CCDC40: variants seen among roughly 807,000 people sequenced by gnomAD.
CCDC40 encodes coiled-coil domain-containing protein 40.
Under a neutral mutation model 124.5 loss-of-function variants are expected in CCDC40, and 104 were observed. The observed-to-expected ratio is 0.84, with a 90% CI of 0.71 to 0.98. CCDC40 has a LOEUF of 0.98. Ranked by LOEUF, CCDC40 falls within the 50% of genes least tolerant of loss-of-function variation. CCDC40 has a pLI of 0.00. For synonymous variants in CCDC40, 580 were observed against 602.9 expected (o/e 0.96, Z 0.56); for missense variants, 1,463 against 1,503.9 (o/e 0.97, Z 0.45).
At position 80,050,066 on chromosome 17, in the gene CCDC40, T is replaced by C; in HGVS notation, c.942T>C (p.Val314=). 6.2e-7 allele frequency: 1 copy of C among 1,613,764 alleles called. No homozygotes were observed. Among genetic ancestry groups the C allele is most frequent in the Non-Finnish European group, 8.5e-7 (1 of 1,179,922 alleles). ...EKLKLDLQEL[V]VATKQSRAQR... is the part of the protein sequence containing the mutation. Reference sequence around the variant, plus strand: ...CCCTGTTTCTCTCTTTGGTCCAGGTTGTGGCTACCAAGCAGAGCCGAGCCC... The same window carrying C: ...CCCTGTTTCTCTCTTTGGTCCAGGTCGTGGCTACCAAGCAGAGCCGAGCCC... The change falls in exon 7 of 20, where the codon GTT becomes GTC. Residue 314 remains valine, a splice_region_variant and synonymous_variant. Coordinates refer to ENST00000397545, the MANE Select transcript of CCDC40 (RefSeq NM_017950.4).
rs778921041 is a variant in CCDC40 at position 80,095,393 on chromosome 17, G to T, written c.2963G>T (p.Arg988Leu). ...AAGATGGACAGGAAGGCGCTCACCCGCACCGACTTCCACCACAAGCAGCTT... is the reference window on the plus strand; with the variant it reads ...AAGATGGACAGGAAGGCGCTCACCCTCACCGACTTCCACCACAAGCAGCTT... Reference protein sequence around the residue: ...QRKMDRKALTRTDFHHKQLEL... With the variant: ...QRKMDRKALTLTDFHHKQLEL... The change falls in exon 18 of 20, where the codon CGC becomes CTC. Residue 988 changes from arginine to leucine, a missense_variant. Arg to Leu is a moderately radical substitution (Grantham distance 102). Transcript: ENST00000397545. 8 of 1,614,134 alleles carry T rather than the reference G, an allele frequency of 5.0e-6. No homozygotes were observed. The highest frequency in any genetic ancestry group is 2.5e-6 in the Non-Finnish European group (3 of 1,180,036).
intron 3 of CCDC40, among the ~76,000 whole-genome samples, chr17:80,042,160 C>T (rs1258408524): frequency 6.6e-6 from 1 of 152,098 alleles, no homozygotes. Flanking sequence ...GCTCTGTCAC[C>T]CAGGCTGGAG....
At chr17:80,045,470 G>A (rs746254839) in intron 3 of CCDC40, among the ~76,000 whole-genome samples, 10 of 152,126 alleles carry the variant, frequency 6.6e-5, no homozygotes, top group Non-Finnish European at 1.2e-4. Context: ...TTGCGAGGCC[G>A]AGGCGGGTGG....
Position 80,050,243 on chromosome 17 carries a change from C to T in CCDC40, c.1119C>T (p.Tyr373=). The T allele has an allele frequency of 6.3e-7, 1 of 1,594,082 alleles. No homozygotes were observed. Among genetic ancestry groups the T allele is most frequent in the Non-Finnish European group, 8.5e-7 (1 of 1,171,910 alleles). Residue 373 remains tyrosine (Y), a synonymous_variant, in exon 7 of 20, where the codon TAC becomes TAT. Transcript: ENST00000397545. ...EEELQAARAL[Y]TKTCAAANEE... is the part of the protein sequence containing the mutation. ...AGCTGCAGGCCGCCCGCGCTCTCTA[C>T]ACCAAGACCTGCGCAGCCGCCAACG...
intron 17 of CCDC40, among the ~76,000 whole-genome samples, chr17:80,091,039 G>A (rs543753018): frequency 1.8e-3 from 276 of 152,312 alleles, no homozygotes; most frequent in African/African-American, 6.1e-3. Flanking sequence ...CTCAGCCAGG[G>A]CGACTGTGTC....
chr17:80,095,340 C>T lies in CCDC40; in HGVS notation c.2910C>T (p.Thr970=), dbSNP rs779783077. The change falls in exon 18 of 20, where the codon ACC becomes ACT. Residue 970 remains threonine, a synonymous_variant. Coordinates refer to ENST00000397545, the MANE Select transcript of CCDC40 (RefSeq NM_017950.4). ...AMELAVARRE[T]VTTQAEGQRK... is the part of the protein sequence containing the mutation. ...AGTTGGCGGTTGCCCGCAGAGAGAC[C>T]GTCACCACCCAGGCCGAGGGGCAGC... is the stretch of plus-strand genomic sequence containing the variant. The T allele has an allele frequency of 5.6e-6, 9 of 1,614,108 alleles. No homozygotes were observed. Among genetic ancestry groups the T allele is most frequent in the South Asian group, 4.4e-5 (4 of 91,086 alleles).
chr17:80,073,947 A>T (rs531051737), intron 10 of CCDC40, among the ~76,000 whole-genome samples: 7 of 152,160 alleles, frequency 4.6e-5, no homozygotes, highest in African/African-American at 1.7e-4. Flanking sequence ...CGGCCTCCCA[A>T]AGTGCCGGGA....
intron 13 of CCDC40, among the ~76,000 whole-genome samples, chr17:80,085,666 C>CTTTTTT (rs5822324): frequency 1.8e-5 from 2 of 110,012 alleles, no homozygotes; most frequent in Non-Finnish European, 3.6e-5. Flanking sequence ...GCTAATTTTG[C>CTTTTTT]TTTTTTTTTT....
chr17:80,090,373 C>A (rs2038697355), intron 17 of CCDC40: 1 of 1,108,538 alleles, frequency 9.0e-7, no homozygotes, highest in Admixed American at 2.4e-5. Context: ...CGTGCACGAA[C>A]ACAGGACACA....
chr17:80,081,888 C>T lies in CCDC40; in HGVS notation c.1819C>T (p.Leu607Phe). ...LSQDQLEQMI[L>F]TEELQAIRQA... ...TCCTTGTCTCCAGGAACAAATGATA[C>T]TCACGGAGGAGTTGCAGGCCATCCG... The change falls in exon 12 of 20, where the codon CTC becomes TTC. Residue 607 changes from leucine to phenylalanine, a missense_variant. Physicochemically the swap from Leu to Phe is conservative, Grantham distance 22 (BLOSUM62 0). Transcript: ENST00000397545. 6.2e-7 allele frequency: 1 copy of T among 1,614,124 alleles called. No homozygotes were observed. Among genetic ancestry groups the T allele is most frequent in the Non-Finnish European group, 8.5e-7 (1 of 1,180,038 alleles).
At chr17:80,080,662 T>C (rs2038426138) in intron 10 of CCDC40, among the ~76,000 whole-genome samples, 1 of 152,190 alleles carries the variant, frequency 6.6e-6, no homozygotes, top group Admixed American at 6.5e-5. Context: ...GGTGGGCAGA[T>C]GAGAACCCCT....
At chr17:80,072,777 A>G (rs1386795495) in intron 10 of CCDC40, among the ~76,000 whole-genome samples, 1 of 152,190 alleles carries the variant, frequency 6.6e-6, no homozygotes, top group African/African-American at 2.4e-5. Flanking sequence ...ATTGTTGAAT[A>G]GTATTCCCTT....
rs1251738259 is a variant in CCDC40, at chr17:80,065,513, TGGA to T, written c.1471_1473del (p.Glu491del). ...TGCACCGAGATCGACGCCATCAGCGTGGAGAAGAGGCGCATCATGCAGCAATGG... is the reference window on the plus strand; with the variant it reads ...TGCACCGAGATCGACGCCATCAGCGTGAAGAGGCGCATCATGCAGCAATGG... On this transcript the variant is annotated inframe_deletion, in exon 10 of 20. Coordinates refer to ENST00000397545, the MANE Select transcript of CCDC40 (RefSeq NM_017950.4). 6.2e-7 allele frequency: 1 copy of T among 1,611,768 alleles called. No individual in the cohort carries two copies. Among genetic ancestry groups the T allele is most frequent in the Non-Finnish European group, 8.5e-7 (1 of 1,179,610 alleles).
chr17:80,038,149 C>G lies in CCDC40; in HGVS notation c.56C>G (p.Ser19Cys). 6.2e-7 allele frequency: 1 copy of G among 1,611,392 alleles called. No individual in the cohort carries two copies. Among genetic ancestry groups the G allele is most frequent in the Non-Finnish European group, 8.5e-7 (1 of 1,177,874 alleles). ...GRSHPEDGSA[S>C]EGEKEGNNES... is the part of the protein sequence containing the mutation. ...TCCCATCCGGAAGATGGATCGGCTT[C>G]TGAGGGAGAGAAGGAAGGGAATAAT... The change falls in exon 2 of 20, where the codon TCT becomes TGT. Residue 19 changes from serine (S) to cysteine (C), a missense_variant. Physicochemically the swap from Ser to Cys is moderately radical, Grantham distance 112. Transcript: ENST00000397545.
Position 80,058,857 on chromosome 17 carries a change from G to A in CCDC40, c.1318-1G>A. On this transcript the variant is annotated splice_acceptor_variant, in intron 8 of 19. Coordinates refer to ENST00000397545, the MANE Select transcript of CCDC40 (RefSeq NM_017950.4). LOFTEE classifies it high-confidence loss of function. This position sits in a 1 kb window ranked among gnomAD's most constrained non-coding sequence, Gnocchi z 4.2. ...GGGCTGCTTCTCATCCTGTTTCCCA[G>A]GACCTGTATGTGGACCAGCTCACCA... is the stretch of plus-strand genomic sequence containing the variant. 1 of 1,614,142 alleles carries A rather than the reference G, an allele frequency of 6.2e-7. No homozygotes were observed. Among genetic ancestry groups the A allele is most frequent in the Non-Finnish European group, 8.5e-7 (1 of 1,180,030 alleles).
Position 80,066,324 on chromosome 17 carries a change from G to A in CCDC40, c.1562+718G>A. The A allele has an allele frequency of 3.4e-6, 2 of 586,824 alleles. No homozygotes were observed. Among genetic ancestry groups the A allele is most frequent in the Non-Finnish European group, 6.1e-6 (2 of 326,008 alleles). The allele number at this position is 586,824 out of a possible 1,614,324, so 36.4% of individuals were successfully genotyped here. A position where few individuals can be genotyped will look rare whatever the true frequency, so the allele number is the denominator to read the frequency against. ...TCTGGCTGGCCCCACAGCACCCGCA[G>A]CCAGGCAGCCAGCAGCAGTCACACA... On this transcript the variant is annotated intron_variant, in intron 10 of 19. Transcript: ENST00000397545. The surrounding 1 kb of genome is among the most constrained non-coding windows in gnomAD (Gnocchi z 4.4).
intron 10 of CCDC40, among the ~76,000 whole-genome samples, chr17:80,078,805 A>T (rs180740732): frequency 6.6e-6 from 1 of 152,138 alleles, no homozygotes; most frequent in African/African-American, 2.4e-5. Context: ...ATTTCTGGGG[A>T]AAAAATGCCT....
rs1384218218 is a variant in CCDC40 at position 80,066,747 on chromosome 17, C to G, written c.1562+1141C>G. 1 of 151,892 alleles carries G rather than the reference C, an allele frequency of 6.6e-6. No individual in the cohort carries two copies. The highest frequency in any genetic ancestry group is 1.5e-5 in the Non-Finnish European group (1 of 68,240). 9.4% of individuals were successfully genotyped at this position (151,892 alleles called of 1,614,324 possible). On this transcript the variant is annotated intron_variant, in intron 10 of 19. Transcript: ENST00000397545. The surrounding 1 kb of genome is among the most constrained non-coding windows in gnomAD (Gnocchi z 4.4). ...TGGGAGACAGAGCAAGACTCTGTCT[C>G]AAAAAAAATAAAAATAATAATAATA...
intron 9 of CCDC40, among the ~76,000 whole-genome samples, chr17:80,065,261 C>G (rs923147544): frequency 7.8e-5 from 11 of 141,034 alleles, no homozygotes; most frequent in African/African-American, 2.4e-4. Flanking sequence ...CATTCCCAAG[C>G]ACTGAGCACC....
Sources: gnomAD v4.1 joint callset for allele counts (sites outside exome capture counted in the v4.1 genomes callset) on GRCh38, gnomAD v4.1.1 for gene constraint, Gnocchi (gnomAD v3.1) non-coding constraint, MANE v1.5 for transcripts, NCBI Gene and HGNC (gene_info 2026-07-23, HGNC 2026-07-21) for gene names.